Variants in SCARA3 observed in about 807,000 individuals in gnomAD.
The protein encoded by SCARA3 is scavenger receptor class A member 3.
SCARA3 carries 39 observed loss-of-function variants against 47.0 expected under a neutral mutation model. That is an observed-to-expected ratio of 0.83 (90% CI 0.64 to 1.08). The LOEUF is 1.08. SCARA3 is among the 50% of genes least tolerant of loss of function. SCARA3 has a pLI of 0.00. For missense variants in SCARA3, 724 were observed against 792.3 expected (o/e 0.91, Z 1.04); for synonymous variants, 356 against 334.1 (o/e 1.07, Z -0.71).
the SCARA3 span, among the ~76,000 whole-genome samples, chr8:27,722,414 A>G: frequency 4.8e-3 from 736 of 152,172 alleles, 5 homozygotes; most frequent in African/African-American, 0.017. Flanking sequence ...GGGCTTCTGC[A>G]TCTATAAAAA....
chr8:27,709,998 A>AG, the SCARA3 span, among the ~76,000 whole-genome samples: 7 of 152,260 alleles, frequency 4.6e-5, no homozygotes, highest in East Asian at 1.9e-4. Context: ...TGGGAGGCTA[A>AG]GGGGGGCGGA....
chr8:27,637,498 C>T (rs1228394651), intron 1 of SCARA3, among the ~76,000 whole-genome samples: 2 of 152,208 alleles, frequency 1.3e-5, no homozygotes, highest in Non-Finnish European at 2.9e-5. Context: ...CCGGCCCCAT[C>T]ATCTGCCCTC....
chr8:27,673,738 A>G (rs572268039), downstream of SCARA3, among the ~76,000 whole-genome samples: 9 of 152,114 alleles, frequency 5.9e-5, no homozygotes, highest in African/African-American at 1.4e-4. Flanking sequence ...AACATCAGCC[A>G]TTGTCACGGT....
At chr8:27,660,693 T>TGATAAATAGATA (rs577613643) in intron 5 of SCARA3, among the ~76,000 whole-genome samples, 23 of 89,466 alleles carry the variant, frequency 2.6e-4, no homozygotes, top group East Asian at 1.6e-3. Context: ...GAGTGATAGA[T>TGATAAATAGATA]GATAGATAGA....
chr8:27,638,897 C>A (rs559349948), intron 1 of SCARA3, among the ~76,000 whole-genome samples: 1 of 152,166 alleles, frequency 6.6e-6, no homozygotes, highest in Non-Finnish European at 1.5e-5. Flanking sequence ...CTTCGAAATG[C>A]GTCCTCGGTT....
Position 27,652,505 on chromosome 8 carries a change from G to T in SCARA3, c.226+878G>T, listed in dbSNP as rs34500139. ...GGGAGAGGCAGTCGAGGCTCCGAGG[G>T]GGGCCCCCTGCTCTCATGCAGACCC... is the stretch of plus-strand genomic sequence containing the variant. On this transcript the variant is annotated intron_variant, in intron 3 of 5. Coordinates refer to ENST00000301904, the MANE Select transcript of SCARA3 (RefSeq NM_016240.3). Among the ~76,000 whole-genome samples, 117 of 152,282 alleles carry T rather than the reference G, an allele frequency of 7.7e-4. 2 individuals are homozygous for T. In the East Asian group the frequency reaches 0.02, roughly 26 times the overall value.
intron 1 of SCARA3, among the ~76,000 whole-genome samples, chr8:27,646,488 C>A (rs2128916776): frequency 6.6e-6 from 1 of 152,280 alleles, no homozygotes; most frequent in Non-Finnish European, 1.5e-5. Flanking sequence ...GAAATGGGCC[C>A]TAGAGCCAGA....
chr8:27,684,312 C>G, the SCARA3 span, among the ~76,000 whole-genome samples: 15 of 152,278 alleles, frequency 9.9e-5, no homozygotes, highest in Non-Finnish European at 1.8e-4. Context: ...CATTTTCAAA[C>G]TATTTTATAA....
At chr8:27,666,461 G>A (rs1802017404) in intron 5 of SCARA3, among the ~76,000 whole-genome samples, 1 of 152,156 alleles carries the variant, frequency 6.6e-6, no homozygotes, top group Admixed American at 6.5e-5. Context: ...AGCAGAAGTC[G>A]AAGCCCATGG....
At chr8:27,723,277 A>C in the SCARA3 span, among the ~76,000 whole-genome samples, 3 of 152,106 alleles carry the variant, frequency 2.0e-5, no homozygotes, top group Non-Finnish European at 4.4e-5. Context: ...GCCCTGGGCT[A>C]TCTTGTTTTC....
the SCARA3 span, among the ~76,000 whole-genome samples, chr8:27,693,499 T>C: frequency 1.3e-5 from 2 of 152,210 alleles, no homozygotes; most frequent in Non-Finnish European, 2.9e-5. Context: ...GAAAGAGTTC[T>C]GATTTGAGCT....
chr8:27,667,806 C>T (rs1294726227), intron 5 of SCARA3, among the ~76,000 whole-genome samples: 1 of 152,206 alleles, frequency 6.6e-6, no homozygotes, highest in Non-Finnish European at 1.5e-5. Context: ...AGCCGTGACA[C>T]GGGCAGCGAG....
intron 1 of SCARA3, among the ~76,000 whole-genome samples, chr8:27,643,067 A>G (rs1212647219): frequency 6.6e-6 from 1 of 152,192 alleles, no homozygotes; most frequent in East Asian, 1.9e-4. Flanking sequence ...GGTTGTCACA[A>G]TGACCAGGGA....
At position 27,659,281 on chromosome 8, in the gene SCARA3, G is replaced by A. The variant is rs748393696; in HGVS notation, c.1111G>A (p.Val371Met). 2.8e-5 allele frequency: 45 copies of A among 1,613,936 alleles called. No individual in the cohort carries two copies. Among genetic ancestry groups the A allele is most frequent in the South Asian group, 1.8e-4 (16 of 91,072 alleles). Residue 371 changes from valine to methionine, a missense_variant, in exon 5 of 6, where the codon GTG becomes ATG. Val to Met is a conservative substitution (Grantham distance 21). Coordinates refer to ENST00000301904, the MANE Select transcript of SCARA3 (RefSeq NM_016240.3). ...CAACATCAATGCCACCGACAACCACGTGCACAGCATGCTCAAGTACCTGGA... is the reference window on the plus strand; with the variant it reads ...CAACATCAATGCCACCGACAACCACATGCACAGCATGCTCAAGTACCTGGA... ...FTNINATDNHVHSMLKYLDDV... is the reference protein window; with the variant it reads ...FTNINATDNHMHSMLKYLDDV...
intron 5 of SCARA3, among the ~76,000 whole-genome samples, chr8:27,664,956 A>G (rs1294322541): frequency 1.3e-5 from 2 of 152,164 alleles, no homozygotes; most frequent in African/African-American, 4.8e-5. Flanking sequence ...ATTGAAAGCA[A>G]ATTTCAGGGA....
Position 27,649,741 on chromosome 8 carries a change from C to A in SCARA3, c.47C>A (p.Thr16Lys). ...AGGDGDALCV[T>K]EEDLAGDDED... ...GGCGATGGAGATGCCTTGTGCGTTA[C>A]AGAAGAGGACCTGGCGGGTGACGAC... Residue 16 changes from threonine to lysine, a missense_variant, in exon 2 of 6, where the codon ACA becomes AAA. Coordinates refer to ENST00000301904, the MANE Select transcript of SCARA3 (RefSeq NM_016240.3). The A allele has an allele frequency of 6.2e-7, 1 of 1,614,172 alleles. No individual in the cohort carries two copies. Among genetic ancestry groups the A allele is most frequent in the Non-Finnish European group, 8.5e-7 (1 of 1,180,042 alleles).
chr8:27,661,526 T>TAC lies in SCARA3; in HGVS notation c.1369+1997_1369+1998dup, dbSNP rs35619854. On this transcript the variant is annotated intron_variant, in intron 5 of 5. Transcript: ENST00000301904. Reference sequence around the variant, plus strand: ...AGACAGAAAACAAAATTGTTGGCTATACACACACACAGATATATTCATTAA... The same window carrying TAC: ...AGACAGAAAACAAAATTGTTGGCTATACACACACACACAGATATATTCATTAA... Among the ~76,000 whole-genome samples, 875 of 152,208 alleles carry TAC rather than the reference T, an allele frequency of 5.7e-3. 5 individuals carry two copies. The highest frequency in any genetic ancestry group is 0.019 in the African/African-American group (793 of 41,516).
At chr8:27,676,846 G>A, downstream of SCARA3, 1 of 333,760 alleles carries the variant, frequency 3.0e-6, no homozygotes, top group Non-Finnish European at 5.5e-6. Flanking sequence ...ACCCAACTCT[G>A]TTGCGTCCAA....
the SCARA3 span, among the ~76,000 whole-genome samples, chr8:27,699,024 C>CATG: frequency 0.019 from 2,825 of 152,096 alleles, 39 homozygotes; most frequent in Admixed American, 0.057. Context: ...GCAGGTGGAT[C>CATG]ATGAGGTCAG....
Sources: allele counts gnomAD v4.1 joint callset (sites outside exome capture counted in the v4.1 genomes callset), GRCh38; gene constraint gnomAD v4.1.1; transcripts MANE v1.5; gene names NCBI Gene and HGNC (gene_info 2026-07-23, HGNC 2026-07-21).